GLI3: variants seen among roughly 807,000 people sequenced by gnomAD.
GLI3 encodes the protein GLI family zinc finger 3, also known as transcription activator GLI3.
GLI3 carries 20 observed loss-of-function variants against 100.8 expected under a neutral mutation model. The observed-to-expected ratio is 0.20, with a 90% CI of 0.14 to 0.29. The LOEUF (loss-of-function observed/expected upper bound fraction) is 0.29. Among genes scored for constraint, GLI3 ranks in the 10% least tolerant of loss-of-function variants. The pLI is 1.00. For missense variants in GLI3, 2,040 were observed against 2,128.5 expected, an observed-to-expected ratio of 0.96 and a Z score of 0.82; for synonymous variants, 938 against 860.5, an observed-to-expected ratio of 1.09 and a Z score of -1.58.
intron 10 of GLI3, among the ~76,000 whole-genome samples, chr7:41,992,746 T>A (rs1583766204): frequency 1.3e-5 from 2 of 152,080 alleles, no homozygotes; most frequent in South Asian, 4.1e-4. Context: ...ATGTGGGGTG[T>A]CTTTGGAGGA....
chr7:42,046,838 T>C (rs1439114645), intron 5 of GLI3, among the ~76,000 whole-genome samples: 3 of 152,194 alleles, frequency 2.0e-5, no homozygotes, highest in African/African-American at 4.8e-5. Context: ...GAAAATCTAA[T>C]TCATATTTGA....
chr7:42,074,472 A>G (rs534452831), intron 4 of GLI3, among the ~76,000 whole-genome samples: 1 of 152,368 alleles, frequency 6.6e-6, no homozygotes, highest in East Asian at 1.9e-4. Context: ...ATCACCAAGC[A>G]AGAGGAAAAG....
At chr7:42,262,207 T>TC (rs779888359) in intron 1 of GLI3, among the ~76,000 whole-genome samples, 43,413 of 130,104 alleles carry the variant, frequency 0.33, 8,731 homozygotes, top group East Asian at 0.4. Context: ...TTTCCTTCCT[T>TC]CTTTCCTTCC....
intron 3 of GLI3, among the ~76,000 whole-genome samples, chr7:42,096,031 T>G (rs1273509553): frequency 6.6e-6 from 1 of 152,026 alleles, no homozygotes; most frequent in African/African-American, 2.4e-5. Flanking sequence ...GAGGAGGCAG[T>G]TTCAGGCAAG....
intron 2 of GLI3, among the ~76,000 whole-genome samples, chr7:42,173,785 G>A (rs1562771575): frequency 6.6e-6 from 1 of 152,210 alleles, no homozygotes; most frequent in Non-Finnish European, 1.5e-5. Flanking sequence ...ACCCAGGGGA[G>A]ATGAGGAAGC....
At chr7:42,025,787 G>A (rs145707490) in intron 8 of GLI3, among the ~76,000 whole-genome samples, 4 of 152,288 alleles carry the variant, frequency 2.6e-5, no homozygotes, top group East Asian at 1.9e-4. Flanking sequence ...AACAGTTAAC[G>A]CAGGGCAAAG....
chr7:42,094,563 C>A (rs1272707325), intron 3 of GLI3, among the ~76,000 whole-genome samples: 2 of 151,626 alleles, frequency 1.3e-5, no homozygotes, highest in Non-Finnish European at 1.5e-5. Context: ...TGTCGAAACC[C>A]CATCTCTACT....
intron 2 of GLI3, among the ~76,000 whole-genome samples, chr7:42,167,843 A>G (rs1241837165): frequency 6.6e-6 from 1 of 152,324 alleles, no homozygotes; most frequent in East Asian, 1.9e-4. Context: ...AGCAACTATA[A>G]AAATTTTTAA....
In GLI3 at chr7:42,134,828, ACTC is replaced by A. The variant is rs1025043866; in HGVS notation, c.367+13395_367+13397del. Among the ~76,000 whole-genome samples the A allele has an allele frequency of 2.0e-5, 3 of 152,132 alleles. No individual in the cohort carries two copies. In the East Asian group the frequency reaches 5.8e-4, roughly 30 times the overall value. On this transcript the variant is annotated intron_variant, in intron 3 of 14. Transcript: ENST00000395925. ...GGAGCATTTCAGATTGCAGTTCACA[ACTC>A]CTCATAAATTAATGAAAGTCAGGCA...
intron 3 of GLI3, among the ~76,000 whole-genome samples, chr7:42,119,940 C>T (rs3801189): frequency 0.48 from 72,622 of 152,000 alleles, 18,265 homozygotes; most frequent in African/African-American, 0.65. Context: ...CCAGATGAAT[C>T]GAGTCATCCA....
At position 42,025,277 on chromosome 7, in the gene GLI3, G is replaced by A. The variant is rs912576738; in HGVS notation, c.1343C>T (p.Ala448Val). The change falls in exon 9 of 15, where the codon GCT (alanine) becomes GTT (valine). Residue 448 changes from alanine (A) to valine (V), a missense_variant. This residue lies in a region of GLI3 where 603 missense variants were observed against 690.9 expected (regional missense o/e 0.87). Transcript: ENST00000395925. ...KPDEDLPSPGARGQQEQPEGT... is the reference protein window; with the variant it reads ...KPDEDLPSPGVRGQQEQPEGT... ...TCGGTGTCCTACCTGCTGCCCCCGA[G>A]CCCCTGGGCTGGGGAGGTCTTCATC... 3.1e-6 allele frequency: 5 copies of A among 1,611,282 alleles called. No individual in the cohort carries two copies. The highest frequency in any genetic ancestry group is 1.3e-5 in the African/African-American group (1 of 75,012).
intron 10 of GLI3, among the ~76,000 whole-genome samples, chr7:42,011,393 C>G (rs1788607288): frequency 6.6e-6 from 1 of 152,136 alleles, no homozygotes; most frequent in Non-Finnish European, 1.5e-5. Context: ...CCATATGGCC[C>G]AGCAATCCCA....
In GLI3 at chr7:42,117,646, T is replaced by C. The variant is rs77648412; in HGVS notation, c.367+30580A>G. ...GTTAGTGAAAATAGTTTTGACTTGTTAGATGCCTGCTTTTGCTGGGGGAAT... is the reference window on the plus strand; with the variant it reads ...GTTAGTGAAAATAGTTTTGACTTGTCAGATGCCTGCTTTTGCTGGGGGAAT... On this transcript the variant is annotated intron_variant, in intron 3 of 14. Transcript: ENST00000395925. Among the ~76,000 whole-genome samples the C allele has an allele frequency of 3.3e-3, 500 of 152,340 alleles. 4 individuals are homozygous for C. The highest frequency in any genetic ancestry group is 0.011 in the African/African-American group (456 of 41,586).
chr7:42,259,883 C>CT (rs781742018), intron 1 of GLI3, among the ~76,000 whole-genome samples: 26 of 152,338 alleles, frequency 1.7e-4, no homozygotes, highest in Non-Finnish European at 3.5e-4. Context: ...CTGTGGGCAT[C>CT]TATCTTCTAC....
rs779504013 is a variant in GLI3, at chr7:41,966,148, G to C, written c.2925C>G (p.Ala975=). 2 of 1,596,652 alleles carry C rather than the reference G, an allele frequency of 1.3e-6. No individual in the cohort carries two copies. The highest frequency in any genetic ancestry group is 1.1e-5 in the South Asian group (1 of 89,672). ...CTCCCCCGTCGCTGCACCTCCTCGG[G>C]GCATGAACTGGAGGCAGGGCCACGC... ...EPGVALPPVH[A]PRRCSDGGAH... Residue 975 remains alanine (A), a synonymous_variant, in exon 15 of 15, where the codon GCC becomes GCG. Coordinates refer to ENST00000395925, the MANE Select transcript of GLI3 (RefSeq NM_000168.6). This position sits in a 1 kb window ranked among gnomAD's most constrained non-coding sequence, Gnocchi z 5.8.
chr7:42,246,834 T>TTTTTTTA (rs1788981433), intron 1 of GLI3, among the ~76,000 whole-genome samples: 1 of 133,250 alleles, frequency 7.5e-6, no homozygotes, highest in Non-Finnish European at 1.6e-5. Context: ...TTTTTTTTTT[T>TTTTTTTA]GAGGGACGAT....
chr7:42,141,395 A>G (rs564624497), intron 3 of GLI3, among the ~76,000 whole-genome samples: 10 of 152,166 alleles, frequency 6.6e-5, no homozygotes, highest in Non-Finnish European at 1.2e-4. Flanking sequence ...GCCTTATGCC[A>G]GTGAGGTGGC....
chr7:42,202,260 C>T (rs1177253807), intron 2 of GLI3, among the ~76,000 whole-genome samples: 4 of 151,334 alleles, frequency 2.6e-5, no homozygotes, highest in Non-Finnish European at 2.9e-5. Flanking sequence ...GAGGCATTGG[C>T]CCCTCTTTGG....
chr7:42,244,123 T>C (rs1788950295), intron 1 of GLI3, among the ~76,000 whole-genome samples: 1 of 152,182 alleles, frequency 6.6e-6, no homozygotes, highest in Non-Finnish European at 1.5e-5. Context: ...CGAAAGCCAC[T>C]GCACCCAGCA....
Sources: gnomAD v4.1 joint callset for allele counts (sites outside exome capture counted in the v4.1 genomes callset) on GRCh38, gnomAD v4.1.1 for gene constraint, gnomAD v4.1.1 regional missense constraint, Gnocchi (gnomAD v3.1) non-coding constraint, MANE v1.5 for transcripts, NCBI Gene and HGNC (gene_info 2026-07-23, HGNC 2026-07-21) for gene names.